The following SLCO3A1 variants were observed in gnomAD, a reference collection of about 807,000 sequenced individuals.
SLCO3A1 encodes PGE1 transporter.
Under a neutral mutation model 63.1 loss-of-function variants are expected in SLCO3A1, and 27 were observed. The observed-to-expected ratio is 0.43, with a 90% confidence interval of 0.32 to 0.59. The LOEUF (loss-of-function observed/expected upper bound fraction) is 0.59. Among genes scored for constraint, SLCO3A1 ranks in the 20% least tolerant of loss-of-function variants. SLCO3A1 has a pLI of 0.09. For synonymous variants in SLCO3A1, 473 were observed against 409.9 expected (o/e 1.15, Z -1.86); for missense variants, 773 against 945.8 (o/e 0.82, Z 2.40).
intron 2 of SLCO3A1, among the ~76,000 whole-genome samples, chr15:91,953,228 C>T (rs929540860): frequency 2.6e-5 from 4 of 152,182 alleles, no homozygotes; most frequent in South Asian, 2.1e-4. Flanking sequence ...TTCACTGACT[C>T]GCTCATTCGC....
Position 92,164,420 on chromosome 15 carries a change from C to T in SLCO3A1, c.*1285C>T. On this transcript the variant is annotated 3_prime_UTR_variant, in exon 10 of 10. Transcript: ENST00000318445. ...GATGAATTGCAAATTTGCCTTTTAG[C>T]TTCCTTCCCCATGATTCAGTGATCA... The T allele has an allele frequency of 1.0e-6, 1 of 985,420 alleles. No homozygotes were observed. The allele number at this position is 985,420 out of a possible 1,614,324, so 61.0% of individuals were successfully genotyped here.
chr15:92,029,882 A>G (rs1292935201), intron 2 of SLCO3A1, among the ~76,000 whole-genome samples: 1 of 147,594 alleles, frequency 6.8e-6, no homozygotes, highest in East Asian at 2.0e-4. Flanking sequence ...TCAATCAGGC[A>G]CCTTCTTGGC....
At chr15:91,999,385 G>C (rs921938397) in intron 2 of SLCO3A1, among the ~76,000 whole-genome samples, 2 of 152,090 alleles carry the variant, frequency 1.3e-5, no homozygotes, top group Non-Finnish European at 2.9e-5. Context: ...GAATATTTAA[G>C]AATTCCTAAA....
intron 2 of SLCO3A1, among the ~76,000 whole-genome samples, chr15:92,006,205 AT>A (rs2046311106): frequency 6.6e-6 from 1 of 152,090 alleles, no homozygotes. Flanking sequence ...TTGCCTAAAA[AT>A]TTTGCATCCT....
chr15:92,152,292 C>T (rs2048316174), intron 9 of SLCO3A1, among the ~76,000 whole-genome samples: 1 of 152,194 alleles, frequency 6.6e-6, no homozygotes, highest in Admixed American at 6.5e-5. Flanking sequence ...ATATGTCTCT[C>T]CTCACCTTCC....
intron 2 of SLCO3A1, among the ~76,000 whole-genome samples, chr15:91,995,381 G>A (rs966955543): frequency 2.6e-5 from 4 of 152,212 alleles, no homozygotes; most frequent in African/African-American, 7.2e-5. Flanking sequence ...ATGGGATAAT[G>A]TGGGGTACCA....
At chr15:92,109,962 C>A (rs75753832) in intron 4 of SLCO3A1, among the ~76,000 whole-genome samples, 1 of 152,124 alleles carries the variant, frequency 6.6e-6, no homozygotes, top group Non-Finnish European at 1.5e-5. Flanking sequence ...AAATCCCGTG[C>A]TCTTTCCCGT....
chr15:92,145,185 C>T (rs2048204852), intron 7 of SLCO3A1, among the ~76,000 whole-genome samples: 1 of 152,112 alleles, frequency 6.6e-6, no homozygotes, highest in African/African-American at 2.4e-5. Context: ...CCACCGGATT[C>T]ATGCGTGTGG....
At chr15:91,969,190 G>A (rs953697034) in intron 2 of SLCO3A1, among the ~76,000 whole-genome samples, 15 of 152,192 alleles carry the variant, frequency 9.9e-5, no homozygotes, top group Non-Finnish European at 1.6e-4. Context: ...TCGAATGAAT[G>A]AGTGAATAAA....
chr15:91,983,328 C>T (rs892927536), intron 2 of SLCO3A1, among the ~76,000 whole-genome samples: 3 of 152,106 alleles, frequency 2.0e-5, no homozygotes, highest in African/African-American at 7.2e-5. Flanking sequence ...TAAAGTATGA[C>T]CCTGAGAATT....
chr15:92,081,161 C>G (rs2047340870), intron 2 of SLCO3A1, among the ~76,000 whole-genome samples: 1 of 151,970 alleles, frequency 6.6e-6, no homozygotes, highest in South Asian at 2.1e-4. Context: ...CTGTAGTCAC[C>G]CTGTTGCAAT....
intron 7 of SLCO3A1, among the ~76,000 whole-genome samples, chr15:92,145,693 GA>G (rs1349694122): frequency 1.3e-5 from 2 of 152,228 alleles, no homozygotes; most frequent in Admixed American, 6.5e-5. Context: ...AGAAGGAACA[GA>G]GGGGCGGGGC....
intron 2 of SLCO3A1, among the ~76,000 whole-genome samples, chr15:92,026,845 T>C (rs2151476305): frequency 6.6e-6 from 1 of 152,322 alleles, no homozygotes; most frequent in African/African-American, 2.4e-5. Context: ...TCCCAGCATT[T>C]TCGGAGGCCA....
chr15:91,878,791 C>T (rs1429783920), intron 1 of SLCO3A1, among the ~76,000 whole-genome samples: 13 of 152,074 alleles, frequency 8.5e-5, no homozygotes, highest in Non-Finnish European at 8.8e-5. Flanking sequence ...AAAAAGTACC[C>T]ATGCTTCATC....
intron 1 of SLCO3A1, among the ~76,000 whole-genome samples, chr15:91,868,877 CT>C (rs1238953393): frequency 6.6e-6 from 1 of 152,192 alleles, no homozygotes; most frequent in Non-Finnish European, 1.5e-5. Flanking sequence ...ATTCTCATGG[CT>C]TTTCTGTAAC....
Position 91,854,278 on chromosome 15 carries a change from T to C in SLCO3A1, c.180+190T>C. ...CCGGCCGGGGCTGCCAGCGAGCGGG[T>C]AGCGGGCGGGACCGTTGATGCCGGT... On this transcript the variant is annotated intron_variant, in intron 1 of 9. Transcript: ENST00000318445. The surrounding 1 kb of genome is among the most constrained non-coding windows in gnomAD (Gnocchi z 6.4). The C allele has an allele frequency of 8.7e-7, 1 of 1,150,808 alleles. No individual in the cohort carries two copies. The highest frequency in any genetic ancestry group is 1.1e-6 in the Non-Finnish European group (1 of 930,778). The allele number at this position is 1,150,808 out of a possible 1,614,324, so 71.3% of individuals were successfully genotyped here.
intron 1 of SLCO3A1, among the ~76,000 whole-genome samples, chr15:91,892,193 G>C (rs1276369060): frequency 3.3e-5 from 5 of 152,210 alleles, no homozygotes; most frequent in Admixed American, 1.3e-4. Flanking sequence ...GGAAAGGTCT[G>C]TCTTTACTAC....
At chr15:92,148,556 G>C (rs901008221) in intron 8 of SLCO3A1, among the ~76,000 whole-genome samples, 1 of 152,196 alleles carries the variant, frequency 6.6e-6, no homozygotes. Context: ...CCCAGTGCTT[G>C]CAAGGCTGTG....
At position 91,991,933 on chromosome 15, in the gene SLCO3A1, G is replaced by A. The variant is rs145217051; in HGVS notation, c.646+75475G>A. Among the ~76,000 whole-genome samples the A allele has an allele frequency of 2.3e-3, 355 of 152,334 alleles. 3 individuals are homozygous for A. Among genetic ancestry groups the A allele is most frequent in the African/African-American group, 8.0e-3 (332 of 41,584 alleles). On this transcript the variant is annotated intron_variant, in intron 2 of 9. Coordinates refer to ENST00000318445, the MANE Select transcript of SLCO3A1 (RefSeq NM_013272.4). ...GTCAAAGATAGTAAATCTGAGAATG[G>A]TGAGTCCAAATATGACAAAAAGAAA...
Sources: gnomAD v4.1 joint callset for allele counts (sites outside exome capture counted in the v4.1 genomes callset) on GRCh38, gnomAD v4.1.1 for gene constraint, Gnocchi (gnomAD v3.1) non-coding constraint, MANE v1.5 for transcripts, NCBI Gene and HGNC (gene_info 2026-07-23, HGNC 2026-07-21) for gene names.